Variants in THSD7B observed in about 807,000 individuals in gnomAD.
The protein encoded by THSD7B is thrombospondin type-1 domain-containing protein 7B.
Under a neutral mutation model 213.6 loss-of-function variants are expected in THSD7B, and 138 were observed. The observed-to-expected ratio is 0.65, with a 90% CI of 0.56 to 0.74. THSD7B has a LOEUF of 0.74. Ranked by LOEUF, THSD7B falls within the 30% of genes least tolerant of loss-of-function variation. The probability of loss-of-function intolerance (pLI) is 0.00; values close to 1 mark genes in which losing one functional copy is unlikely to be tolerated. For missense variants in THSD7B, 1,931 were observed against 1,991.5 expected (o/e 0.97, Z 0.58); for synonymous variants, 742 against 687.0 (o/e 1.08, Z -1.25).
In THSD7B at chr2:137,321,895, A is replaced by ATAATAAT. The variant is rs1466543101; in HGVS notation, c.2500+45869_2500+45870insTAATAAT. Among the ~76,000 whole-genome samples the ATAATAAT allele has an allele frequency of 1.5e-3, 221 of 152,334 alleles. 1 individual carries two copies. The highest frequency in any genetic ancestry group is 2.2e-3 in the Non-Finnish European group (153 of 68,026). On this transcript the variant is annotated intron_variant, in intron 12 of 27. Coordinates refer to ENST00000409968, the MANE Select transcript of THSD7B (RefSeq NM_001316349.2). ...TTAACTTCTGTGCCTTGTGAGCAGG[A>ATAATAAT]AAGCAGCATCAGCTATATAGTGAGA...
chr2:137,543,251 C>T (rs948821630), intron 15 of THSD7B, among the ~76,000 whole-genome samples: 8 of 151,828 alleles, frequency 5.3e-5, no homozygotes, highest in Non-Finnish European at 7.4e-5. Flanking sequence ...AGATCCTTAA[C>T]CATATACGCA....
intron 25 of THSD7B, among the ~76,000 whole-genome samples, chr2:137,660,817 A>G (rs943569874): frequency 1.3e-5 from 2 of 152,212 alleles, no homozygotes; most frequent in African/African-American, 4.8e-5. Context: ...CTTTCAATTA[A>G]AACCAACTGA....
intron 14 of THSD7B, 57 bp from the exon 15 acceptor site, chr2:137,450,788 T>C (rs1687633942): frequency 4.0e-6 from 5 of 1,264,872 alleles, no homozygotes; most frequent in Non-Finnish European, 2.2e-6. Context: ...AAATAGAAAG[T>C]GAATTTGATC....
At chr2:137,137,550 C>G (rs1475109358) in intron 5 of THSD7B, among the ~76,000 whole-genome samples, 1 of 152,102 alleles carries the variant, frequency 6.6e-6, no homozygotes, top group East Asian at 1.9e-4. Flanking sequence ...CTACAGTGTT[C>G]AGTACAGTAG....
At chr2:136,784,768 G>A (rs1404763671) in intron 1 of THSD7B, among the ~76,000 whole-genome samples, 2 of 152,174 alleles carry the variant, frequency 1.3e-5, no homozygotes, top group East Asian at 1.9e-4. Flanking sequence ...ACTGTGAAGT[G>A]CAATTTTCAA....
chr2:137,324,003 T>C (rs905582348), intron 12 of THSD7B, among the ~76,000 whole-genome samples: 3 of 152,200 alleles, frequency 2.0e-5, no homozygotes, highest in African/African-American at 7.2e-5. Context: ...CCGAGGCTCA[T>C]AGTAATGAGT....
chr2:136,945,279 G>T (rs184006758), intron 2 of THSD7B, among the ~76,000 whole-genome samples: 1 of 152,290 alleles, frequency 6.6e-6, no homozygotes, highest in East Asian at 1.9e-4. Flanking sequence ...GGCTATTGAA[G>T]CTTGTGCATG....
intron 1 of THSD7B, among the ~76,000 whole-genome samples, chr2:136,868,929 A>G (rs1683387753): frequency 6.6e-6 from 1 of 152,134 alleles, no homozygotes; most frequent in South Asian, 2.1e-4. Flanking sequence ...CAATTTTATT[A>G]CTTTTTCTAG....
At chr2:137,261,256 G>T (rs903401644) in intron 10 of THSD7B, among the ~76,000 whole-genome samples, 1 of 138,048 alleles carries the variant, frequency 7.2e-6, no homozygotes, top group Admixed American at 7.7e-5. Context: ...AGAGTGGGGT[G>T]GAAAAAACTT....
At chr2:137,397,698 C>G (rs2104990487) in intron 12 of THSD7B, among the ~76,000 whole-genome samples, 1 of 152,022 alleles carries the variant, frequency 6.6e-6, no homozygotes, top group East Asian at 1.9e-4. Context: ...TTTCCTGAAT[C>G]TGAACGTTGG....
At chr2:137,319,035 G>A (rs1465591828) in intron 12 of THSD7B, among the ~76,000 whole-genome samples, 1 of 151,660 alleles carries the variant, frequency 6.6e-6, no homozygotes, top group Non-Finnish European at 1.5e-5. Flanking sequence ...ACAGAATTTT[G>A]TAATGGAGGT....
intron 7 of THSD7B, among the ~76,000 whole-genome samples, chr2:137,176,802 G>A (rs1297960421): frequency 6.6e-6 from 1 of 152,176 alleles, no homozygotes; most frequent in Non-Finnish European, 1.5e-5. Context: ...ATAGCCTGGA[G>A]GTGTATGTTT....
At chr2:137,617,509 CT>C (rs1270376041) in intron 18 of THSD7B, among the ~76,000 whole-genome samples, 6 of 152,152 alleles carry the variant, frequency 3.9e-5, no homozygotes, top group African/African-American at 1.4e-4. Flanking sequence ...AATATAGTTT[CT>C]GTAACAGTCC....
chr2:137,364,947 A>G (rs1685370156), intron 12 of THSD7B, among the ~76,000 whole-genome samples: 1 of 152,204 alleles, frequency 6.6e-6, no homozygotes, highest in African/African-American at 2.4e-5. Context: ...ATCCTAAGCC[A>G]AAAGAATAAA....
chr2:137,156,501 A>G (rs943992265), intron 5 of THSD7B, among the ~76,000 whole-genome samples: 7 of 152,112 alleles, frequency 4.6e-5, no homozygotes, highest in Admixed American at 4.6e-4. Context: ...CCAGCAAACC[A>G]TGTCCTTCTC....
At chr2:137,443,469 A>G (rs929500541) in intron 14 of THSD7B, among the ~76,000 whole-genome samples, 1 of 152,188 alleles carries the variant, frequency 6.6e-6, no homozygotes, top group African/African-American at 2.4e-5. Context: ...ATCATACAAC[A>G]TATGTACTTG....
intron 2 of THSD7B, among the ~76,000 whole-genome samples, chr2:136,989,929 T>C (rs1377355448): frequency 6.6e-6 from 1 of 152,248 alleles, no homozygotes; most frequent in Non-Finnish European, 1.5e-5. Flanking sequence ...TTCTAATGGT[T>C]TCACACATGT....
At chr2:137,344,198 C>G (rs891458921) in intron 12 of THSD7B, among the ~76,000 whole-genome samples, 48 of 151,588 alleles carry the variant, frequency 3.2e-4, no homozygotes, top group African/African-American at 1.2e-3. Flanking sequence ...GAAGCCACTC[C>G]CCCATATCTG....
chr2:137,109,156 T>C (rs4954466), intron 4 of THSD7B, among the ~76,000 whole-genome samples: 109,125 of 152,108 alleles, frequency 0.72, 43,427 homozygotes, highest in South Asian at 0.89. Flanking sequence ...CAAAGACCTT[T>C]AAATGTATAA....
Sources: gnomAD v4.1 joint callset for allele counts (sites outside exome capture counted in the v4.1 genomes callset) on GRCh38, gnomAD v4.1.1 for gene constraint, MANE v1.5 for transcripts, NCBI Gene and HGNC (gene_info 2026-07-23, HGNC 2026-07-21) for gene names.